KALRN: variants seen among roughly 807,000 people sequenced by gnomAD.
KALRN encodes kalirin RhoGEF kinase, also known as kalirin.
A neutral mutation model predicts 353.7 loss-of-function variants in KALRN; 70 were observed. The observed-to-expected ratio is 0.20, with a 90% CI of 0.16 to 0.24. KALRN has a LOEUF of 0.24. Ranked by LOEUF, KALRN falls within the 10% of genes least tolerant of loss-of-function variation. KALRN has a pLI of 1.00. For synonymous variants in KALRN, 1,391 were observed against 1,434.8 expected (o/e 0.97, Z 0.69); for missense variants, 2,791 against 3,756.7 (o/e 0.74, Z 6.72).
At chr3:124,164,791 G>C (rs903954709) in intron 1 of KALRN, 1 of 151,886 alleles carries the variant, frequency 6.6e-6, no homozygotes, top group Non-Finnish European at 1.5e-5. Flanking sequence ...TAATATTGTA[G>C]AAAATGTCCA....
chr3:124,155,530 G>A (rs953768913), intron 1 of KALRN, among the ~76,000 whole-genome samples: 2 of 152,158 alleles, frequency 1.3e-5, no homozygotes, highest in African/African-American at 4.8e-5. Flanking sequence ...CACAGACTAG[G>A]TTTAAATATC....
At position 124,557,511 on chromosome 3, in the gene KALRN, GGAGA is replaced by G. The variant is rs1219752403; in HGVS notation, c.4936-5329_4936-5326del. 2.0e-5 allele frequency among the ~76,000 whole-genome samples: 3 copies of G among 152,172 alleles called. No individual in the cohort carries two copies. In the East Asian group the frequency reaches 5.8e-4, roughly 29 times the overall value. ...GCAGGTGCAGGGAGTGTTGAGGGGA[GGAGA>G]GAAAGACAGTTTTTGCACAGGAGTT... On this transcript the variant is annotated intron_variant, in intron 33 of 59. Transcript: ENST00000682506.
chr3:124,063,537 A>C (rs1379332631), intron 1 of KALRN, among the ~76,000 whole-genome samples: 1 of 152,180 alleles, frequency 6.6e-6, no homozygotes, highest in Non-Finnish European at 1.5e-5. Flanking sequence ...GTAAAGACAC[A>C]AACATTCTCG....
intron 27 of KALRN, among the ~76,000 whole-genome samples, chr3:124,480,751 G>A (rs1358502210): frequency 6.6e-6 from 1 of 152,120 alleles, no homozygotes; most frequent in Non-Finnish European, 1.5e-5. Context: ...TCTACTTTAT[G>A]TCTCTACAGA....
chr3:124,200,707 C>T (rs1413129698), intron 1 of KALRN, among the ~76,000 whole-genome samples: 1 of 152,150 alleles, frequency 6.6e-6, no homozygotes, highest in African/African-American at 2.4e-5. Context: ...GGAGGGGTTA[C>T]ATCTGGGAGC....
rs567150843 is a variant in KALRN, at chr3:124,518,044, C to T, written c.4935+21631C>T. ...ACTACTCCTGCTTATGGGTCTGGAA[C>T]GTTGGGAAGCCACTGCAGGACTGGT... On this transcript the variant is annotated intron_variant, in intron 33 of 59. Transcript: ENST00000682506. Among the ~76,000 whole-genome samples, 37 of 152,304 alleles carry T rather than the reference C, an allele frequency of 2.4e-4. No individual in the cohort carries two copies. In the South Asian group the frequency reaches 7.5e-3, roughly 31 times the overall value.
chr3:124,323,233 T>C (rs1162817684), intron 6 of KALRN, among the ~76,000 whole-genome samples: 1 of 152,170 alleles, frequency 6.6e-6, no homozygotes, highest in Non-Finnish European at 1.5e-5. Context: ...TCCCCATCCT[T>C]TTTCATGCGG....
intron 4 of KALRN, among the ~76,000 whole-genome samples, chr3:124,265,402 C>G: frequency 6.8e-6 from 1 of 147,544 alleles, no homozygotes; most frequent in East Asian, 2.1e-4. Flanking sequence ...AAGTGATTCT[C>G]CTGCCTCAGC....
intron 6 of KALRN, among the ~76,000 whole-genome samples, chr3:124,311,975 T>C (rs941837159): frequency 6.6e-6 from 1 of 152,214 alleles, no homozygotes; most frequent in Non-Finnish European, 1.5e-5. Context: ...GAAAGTAGAT[T>C]AGTTGTTGCT....
intron 6 of KALRN, among the ~76,000 whole-genome samples, chr3:124,310,878 AT>A (rs1333388334): frequency 6.6e-6 from 1 of 152,138 alleles, no homozygotes; most frequent in Non-Finnish European, 1.5e-5. Flanking sequence ...TAAGGGAGTT[AT>A]GTCTGCAATC....
intron 34 of KALRN, among the ~76,000 whole-genome samples, chr3:124,567,987 A>G (rs1561307138): frequency 6.6e-6 from 1 of 151,886 alleles, no homozygotes; most frequent in African/African-American, 2.4e-5. Context: ...GGGGAAAAAA[A>G]AAGAAGAAGA....
chr3:124,278,826 G>C (rs1365656618), intron 5 of KALRN, among the ~76,000 whole-genome samples: 1 of 152,120 alleles, frequency 6.6e-6, no homozygotes, highest in East Asian at 1.9e-4. Flanking sequence ...TCCTGCCTGG[G>C]GTGATGAATT....
At chr3:124,071,369 T>A (rs147982024) in intron 1 of KALRN, among the ~76,000 whole-genome samples, 4,901 of 152,288 alleles carry the variant, frequency 0.032, 103 homozygotes, top group Middle Eastern at 0.058. Context: ...CCAGAGAGGT[T>A]AAGTGATTTG....
chr3:124,660,693 AAAAAGG>A (rs1329900903), intron 43 of KALRN, among the ~76,000 whole-genome samples: 3 of 151,674 alleles, frequency 2.0e-5, no homozygotes, highest in African/African-American at 7.3e-5. Context: ...AAAAAAAAAA[AAAAAGG>A]AAAGAAAGAA....
At chr3:124,477,586 A>G (rs879296507) in intron 27 of KALRN, among the ~76,000 whole-genome samples, 1 of 152,240 alleles carries the variant, frequency 6.6e-6, no homozygotes, top group Admixed American at 6.5e-5. Context: ...CTAGGAAGTC[A>G]TAAAGCACAT....
intron 34 of KALRN, chr3:124,584,732 G>T: frequency 1.3e-6 from 2 of 1,504,996 alleles, no homozygotes; most frequent in South Asian, 1.3e-5. Flanking sequence ...GCCGGCTCTC[G>T]GGCGGCGGCG....
intron 1 of KALRN, among the ~76,000 whole-genome samples, chr3:124,190,054 A>G (rs2074721014): frequency 6.6e-6 from 1 of 152,170 alleles, no homozygotes; most frequent in African/African-American, 2.4e-5. Flanking sequence ...TTTTCTGTAT[A>G]TAGGCACTGA....
intron 33 of KALRN, among the ~76,000 whole-genome samples, chr3:124,534,586 C>T (rs533323790): frequency 2.0e-5 from 3 of 151,858 alleles, no homozygotes; most frequent in African/African-American, 7.3e-5. Flanking sequence ...TGAAGGAAAC[C>T]GATGAAGAGA....
At chr3:124,079,636 G>T (rs1246841695) in intron 1 of KALRN, among the ~76,000 whole-genome samples, 2 of 152,168 alleles carry the variant, frequency 1.3e-5, no homozygotes, top group Admixed American at 6.5e-5. Flanking sequence ...ACATAGAGTT[G>T]TTGGAGATAT....
Sources: allele counts gnomAD v4.1 joint callset (sites outside exome capture counted in the v4.1 genomes callset), GRCh38; gene constraint gnomAD v4.1.1; transcripts MANE v1.5; gene names NCBI Gene and HGNC (gene_info 2026-07-23, HGNC 2026-07-21).